The following ADCK1 variants were observed in gnomAD, a reference collection of about 807,000 sequenced individuals.
ADCK1 encodes the protein aarF domain containing kinase 1.
In ADCK1, 41 loss-of-function variants were observed where a neutral mutation model predicts 52.3. The observed-to-expected ratio is 0.78, with a 90% CI of 0.61 to 1.02. The LOEUF (loss-of-function observed/expected upper bound fraction) is 1.02, where lower values mean the gene tolerates loss of function less well. Ranked by LOEUF, ADCK1 falls within the 50% of genes least tolerant of loss-of-function variation. The pLI, the probability that ADCK1 is intolerant of heterozygous loss-of-function variation, is 0.00. For missense variants in ADCK1, 658 were observed against 679.5 expected (o/e 0.97, Z 0.35); for synonymous variants, 250 against 274.6 (o/e 0.91, Z 0.89).
intron 1 of ADCK1, among the ~76,000 whole-genome samples, chr14:77,813,784 T>G (rs1339979308): frequency 6.6e-6 from 1 of 152,022 alleles, no homozygotes; most frequent in African/African-American, 2.4e-5. Flanking sequence ...TTTTGTTTTT[T>G]TTTTGAGGAG....
chr14:77,905,981 C>A (rs2083657119), intron 6 of ADCK1, among the ~76,000 whole-genome samples: 1 of 152,188 alleles, frequency 6.6e-6, no homozygotes, highest in African/African-American at 2.4e-5. Flanking sequence ...AAGCAGCAAA[C>A]CAAAATAACA....
At chr14:77,848,350 T>C (rs550385273) in intron 3 of ADCK1, among the ~76,000 whole-genome samples, 4 of 152,242 alleles carry the variant, frequency 2.6e-5, no homozygotes, top group Admixed American at 1.3e-4. Context: ...GACCTCTAAC[T>C]TTTTGGAGCC....
At chr14:77,926,007 A>G in intron 9 of ADCK1, 46 bp downstream of exon 9, 1 of 1,609,352 alleles carries the variant, frequency 6.2e-7, no homozygotes, top group East Asian at 2.2e-5. Context: ...TGCAGAAGGC[A>G]GGGCTAGAGG....
chr14:77,831,151 C>T (rs2081840343), intron 3 of ADCK1, among the ~76,000 whole-genome samples: 2 of 152,152 alleles, frequency 1.3e-5, no homozygotes. Flanking sequence ...TGGGGGACTG[C>T]CTCTTAGAGG....
At chr14:77,814,281 G>A (rs187139059) in intron 1 of ADCK1, among the ~76,000 whole-genome samples, 65 of 151,792 alleles carry the variant, frequency 4.3e-4, no homozygotes, top group African/African-American at 1.5e-3. Flanking sequence ...GTTTCGCTAT[G>A]TTGCCTAGGC....
chr14:77,870,296 C>T (rs572751127), intron 4 of ADCK1, among the ~76,000 whole-genome samples: 16 of 152,340 alleles, frequency 1.1e-4, no homozygotes, highest in African/African-American at 3.6e-4. Context: ...TCCACTCTTC[C>T]CGCTATGCAG....
chr14:77,821,621 C>G (rs562286519), intron 2 of ADCK1, among the ~76,000 whole-genome samples: 11 of 152,100 alleles, frequency 7.2e-5, no homozygotes, highest in African/African-American at 2.7e-4. Flanking sequence ...TGGCTCATGC[C>G]TGTAATCCCA....
chr14:77,801,610 T>C (rs1447691586), intron 1 of ADCK1, among the ~76,000 whole-genome samples: 1 of 152,152 alleles, frequency 6.6e-6, no homozygotes, highest in Non-Finnish European at 1.5e-5. Context: ...CTTTCTGCTA[T>C]GCAGTCATTT....
intron 3 of ADCK1, among the ~76,000 whole-genome samples, chr14:77,838,738 T>C (rs2140082919): frequency 6.6e-6 from 1 of 152,262 alleles, no homozygotes; most frequent in South Asian, 2.1e-4. Flanking sequence ...CTTTACCCCC[T>C]AACCCCCAAC....
intron 4 of ADCK1, among the ~76,000 whole-genome samples, chr14:77,879,296 A>G (rs936365034): frequency 4.6e-5 from 7 of 152,196 alleles, no homozygotes; most frequent in South Asian, 4.1e-4. Context: ...AGTCTAGAAG[A>G]GAAGGGGGAG....
At chr14:77,861,986 G>A (rs2082559422) in intron 4 of ADCK1, among the ~76,000 whole-genome samples, 1 of 152,230 alleles carries the variant, frequency 6.6e-6, no homozygotes, top group African/African-American at 2.4e-5. Context: ...CAGGCAGGGA[G>A]TGCGCTGGGG....
At chr14:77,904,028 G>C (rs1321793772) in intron 6 of ADCK1, among the ~76,000 whole-genome samples, 1 of 152,136 alleles carries the variant, frequency 6.6e-6, no homozygotes, top group Non-Finnish European at 1.5e-5. Context: ...TTACCACTAA[G>C]GGGAGGGAAT....
intron 4 of ADCK1, among the ~76,000 whole-genome samples, 197 bp downstream of exon 4, chr14:77,859,476 C>T (rs1161092751): frequency 6.6e-6 from 1 of 152,202 alleles, no homozygotes; most frequent in African/African-American, 2.4e-5. Flanking sequence ...CCAGTTCAAC[C>T]ATATGAAATA....
chr14:77,809,726 A>G (rs1044744132), intron 1 of ADCK1, among the ~76,000 whole-genome samples: 5 of 151,928 alleles, frequency 3.3e-5, no homozygotes, highest in African/African-American at 7.2e-5. Context: ...TCAGTAACAA[A>G]TAAATGAGGT....
At chr14:77,829,894 G>T (rs1410528628) in intron 3 of ADCK1, among the ~76,000 whole-genome samples, 2 of 151,168 alleles carry the variant, frequency 1.3e-5, no homozygotes, top group African/African-American at 4.8e-5. Context: ...TGGGGACAAG[G>T]TGATTTTGGC....
chr14:77,856,200 A>G (rs959163048), intron 3 of ADCK1, among the ~76,000 whole-genome samples: 8 of 152,240 alleles, frequency 5.3e-5, no homozygotes, highest in Non-Finnish European at 1.0e-4. Flanking sequence ...ACAGAGCAAG[A>G]TTCTGTGTCC....
intron 1 of ADCK1, among the ~76,000 whole-genome samples, chr14:77,807,340 C>T (rs1287828206): frequency 2.0e-5 from 3 of 146,622 alleles, no homozygotes; most frequent in African/African-American, 7.6e-5. Flanking sequence ...AGTGCTGGGA[C>T]TACAGGCGTG....
rs956429243 is a variant in ADCK1, at chr14:77,816,906, A to T, written c.-11-2062A>T. ...AATATATATATATATATATATATTT[A>T]AAAAATGTGGCTATATTATAAGGCA... On this transcript the variant is annotated intron_variant, in intron 1 of 10. Coordinates refer to ENST00000238561, the MANE Select transcript of ADCK1 (RefSeq NM_020421.4). Among the ~76,000 whole-genome samples, 34 of 146,054 alleles carry T rather than the reference A, an allele frequency of 2.3e-4. 1 individual carries two copies. The highest frequency in any genetic ancestry group is 7.4e-4 in the African/African-American group (30 of 40,490).
chr14:77,822,332 C>A lies in ADCK1; in HGVS notation c.136-103C>A, dbSNP rs536314048. On this transcript the variant is annotated intron_variant, in intron 2 of 10. Coordinates refer to ENST00000238561, the MANE Select transcript of ADCK1 (RefSeq NM_020421.4). ...TTAGGGGTGGGACTGGCCACTCCCCCAGACATAGCAGCTGTGTCAGGGACC... is the reference window on the plus strand; with the variant it reads ...TTAGGGGTGGGACTGGCCACTCCCCAAGACATAGCAGCTGTGTCAGGGACC... 346 of 911,544 alleles carry A rather than the reference C, an allele frequency of 3.8e-4. 1 individual carries two copies. The highest frequency in any genetic ancestry group is 5.4e-4 in the Non-Finnish European group (300 of 552,356). The allele number at this position is 911,544 out of a possible 1,614,324, so 56.5% of individuals were successfully genotyped here.
Sources: allele counts gnomAD v4.1 joint callset (sites outside exome capture counted in the v4.1 genomes callset), GRCh38; gene constraint gnomAD v4.1.1; transcripts MANE v1.5; gene names NCBI Gene and HGNC (gene_info 2026-07-23, HGNC 2026-07-21).